NELFB: variants seen among roughly 807,000 people sequenced by gnomAD.
The protein encoded by NELFB is negative elongation factor B.
Under a neutral mutation model 60.2 loss-of-function variants are expected in NELFB, and 34 were observed. The ratio of observed to expected loss-of-function variants is 0.56; its 90% CI spans 0.43 to 0.75. The LOEUF (loss-of-function observed/expected upper bound fraction) is 0.75, where lower values mean the gene tolerates loss of function less well. NELFB is among the 30% of genes least tolerant of loss of function. The pLI is 0.00. For synonymous variants in NELFB, 459 were observed against 382.1 expected, an observed-to-expected ratio of 1.20 and a Z score of -2.35; for missense variants, 770 against 831.6, an observed-to-expected ratio of 0.93 and a Z score of 0.91.
chr9:137,272,053 A>G, intron 10 of NELFB, 28 bp from the exon 11 acceptor site: 2 of 1,613,836 alleles, frequency 1.2e-6, no homozygotes, highest in Non-Finnish European at 1.7e-6. Flanking sequence ...GGTGAGTGGC[A>G]CTGGGCTGAT....
At chr9:137,260,613 C>T (rs1363857915) in intron 4 of NELFB, among the ~76,000 whole-genome samples, 3 of 150,758 alleles carry the variant, frequency 2.0e-5, no homozygotes, top group South Asian at 2.1e-4. Context: ...CCACCACGCC[C>T]GACTAATTTT....
Position 137,270,651 on chromosome 9 carries a change from G to A in NELFB, c.1490-1430G>A, listed in dbSNP as rs9776113. Among the ~76,000 whole-genome samples, 993 of 149,604 alleles carry A rather than the reference G, an allele frequency of 6.6e-3. 11 individuals carry two copies. Among genetic ancestry groups the A allele is most frequent in the African/African-American group, 0.023 (945 of 40,616 alleles). Reference sequence around the variant, plus strand: ...GCCTTTAAAAAACTGGCCAGGCATGGTGGCTCACCTTGTAATCCCAGCGCT... The same window carrying A: ...GCCTTTAAAAAACTGGCCAGGCATGATGGCTCACCTTGTAATCCCAGCGCT... On this transcript the variant is annotated intron_variant, in intron 10 of 12. Transcript: ENST00000343053.
Position 137,266,355 on chromosome 9 carries a change from C to G in NELFB, c.1168C>G (p.Leu390Val). ...GGACAGCCCCGACCTCCTGCTGCTG[C>G]TCCGGCTGCTGGCGCTGGGCCAGGG... is the stretch of plus-strand genomic sequence containing the variant. Residue 390 changes from leucine (L) to valine (V), a missense_variant, in exon 8 of 13, where the codon CTC becomes GTC. Physicochemically the swap from Leu to Val is conservative, Grantham distance 32. Coordinates refer to ENST00000343053, the MANE Select transcript of NELFB (RefSeq NM_015456.5). The G allele has an allele frequency of 6.2e-7, 1 of 1,612,972 alleles. No individual in the cohort carries two copies. Among genetic ancestry groups the G allele is most frequent in the Non-Finnish European group, 8.5e-7 (1 of 1,179,980 alleles).
chr9:137,256,429 G>A lies in NELFB; in HGVS notation c.510+1G>A. 6.2e-7 allele frequency: 1 copy of A among 1,613,166 alleles called. No individual in the cohort carries two copies. The highest frequency in any genetic ancestry group is 8.5e-7 in the Non-Finnish European group (1 of 1,179,750). ...GTGCGTCATGAAGCACCTGCCCAAGGTAGGGCCCTAACCCTAACCCTGATG... is the reference window on the plus strand; with the variant it reads ...GTGCGTCATGAAGCACCTGCCCAAGATAGGGCCCTAACCCTAACCCTGATG... On this transcript the variant is annotated splice_donor_variant, in intron 3 of 12. Transcript: ENST00000343053. LOFTEE classifies it high-confidence loss of function.
Position 137,267,072 on chromosome 9 carries a change from C to G in NELFB, c.1368C>G (p.Pro456=), listed in dbSNP as rs552363247. 9.3e-6 allele frequency: 15 copies of G among 1,613,892 alleles called. No homozygotes were observed. The highest frequency in any genetic ancestry group is 1.7e-5 in the Admixed American group (1 of 60,004). ...CAGTCTCATATCCAAACACACTTCC[C>G]GAAAGCTTCACTAAGTACGGGCTGT... Residue 456 remains proline, a synonymous_variant, in exon 9 of 13, where the codon CCC becomes CCG. Transcript: ENST00000343053.
At chr9:137,257,850 A>T (rs905188884) in intron 4 of NELFB, among the ~76,000 whole-genome samples, 14 of 143,384 alleles carry the variant, frequency 9.8e-5, no homozygotes, top group African/African-American at 2.6e-4. Flanking sequence ...ACTCTGTTGC[A>T]CAGGCTGGAG....
intron 1 of NELFB, 49 bp from the exon 2 acceptor site, chr9:137,255,858 G>A (rs11533155): frequency 0.11 from 171,869 of 1,598,852 alleles, 10,691 homozygotes; most frequent in East Asian, 0.29. Flanking sequence ...GGACCTCGGG[G>A]TGCCCGGGCG....
Position 137,272,199 on chromosome 9 carries a change from C to T in NELFB, c.1608C>T (p.Gly536=). The T allele has an allele frequency of 1.9e-6, 3 of 1,614,166 alleles. No individual in the cohort carries two copies. The highest frequency in any genetic ancestry group is 1.7e-6 in the Non-Finnish European group (2 of 1,180,010). ...ACTTCTGCAGCAGCCTCTTCGATGG[C>T]TTCTTCCTCACCGCCTCTCCAAGGT... is the stretch of plus-strand genomic sequence containing the variant. The change falls in exon 11 of 13, where the codon GGC becomes GGT. Residue 536 remains glycine (G), a synonymous_variant. Coordinates refer to ENST00000343053, the MANE Select transcript of NELFB (RefSeq NM_015456.5).
At chr9:137,271,874 C>T (rs1397440817) in intron 10 of NELFB, among the ~76,000 whole-genome samples, 2 of 149,824 alleles carry the variant, frequency 1.3e-5, no homozygotes, top group Non-Finnish European at 3.0e-5. Flanking sequence ...GCTCTGCTTC[C>T]CTGCCACAGG....
rs923034618 is a variant in NELFB at position 137,264,184 on chromosome 9, C to G, written c.928-61C>G. 1.6e-4 allele frequency: 216 copies of G among 1,324,306 alleles called. 1 individual carries two copies. In the South Asian group the frequency reaches 2.6e-3, roughly 16 times the overall value. The allele number at this position is 1,324,306 out of a possible 1,614,324, so 82.0% of individuals were successfully genotyped here. A position where few individuals can be genotyped will look rare whatever the true frequency, so the allele number is the denominator to read the frequency against. On this transcript the variant is annotated intron_variant, in intron 5 of 12. Coordinates refer to ENST00000343053, the MANE Select transcript of NELFB (RefSeq NM_015456.5). ...CCAGGGCCTGGAGCTGTGTTTGGGG[C>G]CTGGGTCTCTGGTCATCCTGGGAGG...
At position 137,256,922 on chromosome 9, in the gene NELFB, C is replaced by A; in HGVS notation, c.609C>A (p.Ala203=). Residue 203 remains alanine, a synonymous_variant, in exon 4 of 13, where the codon GCC becomes GCA. Transcript: ENST00000343053. ...GGCAGATCTGGCAAGACAACCAGGC[C>A]CTCTTCGGGGACGAGGTTTCCCCAC... 2 of 1,614,184 alleles carry A rather than the reference C, an allele frequency of 1.2e-6. No homozygotes were observed. Among genetic ancestry groups the A allele is most frequent in the South Asian group, 2.2e-5 (2 of 91,090 alleles).
intron 10 of NELFB, among the ~76,000 whole-genome samples, chr9:137,271,591 T>C (rs1302252454): frequency 6.6e-6 from 1 of 152,254 alleles, no homozygotes; most frequent in Non-Finnish European, 1.5e-5. Flanking sequence ...CAGAAAAGAA[T>C]GTGGAAGAGT....
At chr9:137,267,700 G>C (rs1401881932) in intron 10 of NELFB, among the ~76,000 whole-genome samples, 1 of 151,968 alleles carries the variant, frequency 6.6e-6, no homozygotes, top group Non-Finnish European at 1.5e-5. Context: ...CTCCATGTTG[G>C]TTGGGCTGGT....
chr9:137,265,780 A>G (rs1830510740), intron 6 of NELFB, 97 bp from the exon 7 acceptor site: 2 of 793,362 alleles, frequency 2.5e-6, no homozygotes, highest in African/African-American at 1.7e-5. Context: ...ACCCGCTGCC[A>G]GTCCTGAATT....
chr9:137,264,260 G>T lies in NELFB; in HGVS notation c.943G>T (p.Asp315Tyr). Residue 315 changes from aspartate (D) to tyrosine (Y), a missense_variant, in exon 6 of 13, where the codon GAC (aspartate) becomes TAC (tyrosine). Transcript: ENST00000343053. Reference sequence around the variant, plus strand: ...CTCCTTGCAGTTCACCTGGTGCCTGGACGCCTGCATCCGAGAGCGGTTCGT... The same window carrying T: ...CTCCTTGCAGTTCACCTGGTGCCTGTACGCCTGCATCCGAGAGCGGTTCGT... The T allele has an allele frequency of 6.3e-7, 1 of 1,594,840 alleles. No individual in the cohort carries two copies.
Position 137,272,976 on chromosome 9 carries a change from C to G in NELFB, c.*48C>G. The G allele has an allele frequency of 6.8e-7, 1 of 1,460,886 alleles. No homozygotes were observed. The highest frequency in any genetic ancestry group is 1.4e-5 in the South Asian group (1 of 71,080). 90.5% of individuals were successfully genotyped at this position (1,460,886 alleles called of 1,614,324 possible). ...TGCTGGGGCCATGCCGAGTCGCGGC[C>G]CTGCTCAGCCGGAAGAGGCTCCCGG... On this transcript the variant is annotated 3_prime_UTR_variant, in exon 13 of 13. Coordinates refer to ENST00000343053, the MANE Select transcript of NELFB (RefSeq NM_015456.5).
At position 137,267,272 on chromosome 9, in the gene NELFB, T is replaced by G; in HGVS notation, c.1415T>G (p.Val472Gly). ...CAGGAGCAGCGCATGGCCTGCGAGG[T>G]GGGGCTGTACTACGTCCTGCACATC... Residue 472 changes from valine to glycine, a missense_variant, in exon 10 of 13, where the codon GTG becomes GGG. Physicochemically the swap from Val to Gly is moderately radical, Grantham distance 109. Coordinates refer to ENST00000343053, the MANE Select transcript of NELFB (RefSeq NM_015456.5). The G allele has an allele frequency of 6.2e-7, 1 of 1,613,480 alleles. No homozygotes were observed. Among genetic ancestry groups the G allele is most frequent in the Non-Finnish European group, 8.5e-7 (1 of 1,179,832 alleles).
At chr9:137,272,677 C>T in intron 12 of NELFB, 62 bp downstream of exon 12, 2 of 1,536,132 alleles carry the variant, frequency 1.3e-6, no homozygotes, top group Admixed American at 4.0e-5. Flanking sequence ...TGTGTGCTTG[C>T]CAAGCTGCCC....
intron 4 of NELFB, among the ~76,000 whole-genome samples, chr9:137,260,133 T>A (rs1255523445): frequency 6.6e-6 from 1 of 150,888 alleles, no homozygotes; most frequent in Admixed American, 6.6e-5. Context: ...CACTGCAAGC[T>A]CCGCCTCCCG....
Sources: gnomAD v4.1 joint callset for allele counts (sites outside exome capture counted in the v4.1 genomes callset) on GRCh38, gnomAD v4.1.1 for gene constraint, MANE v1.5 for transcripts, NCBI Gene and HGNC (gene_info 2026-07-23, HGNC 2026-07-21) for gene names.